The following STAB2 variants were observed in gnomAD, a reference collection of about 807,000 sequenced individuals.
STAB2 encodes stabilin-2.
STAB2 carries 288 observed loss-of-function variants against 338.1 expected under a neutral mutation model. That is an observed-to-expected ratio of 0.85 (90% CI 0.77 to 0.94). The LOEUF is 0.94. Ranked by LOEUF, STAB2 falls within the 40% of genes least tolerant of loss-of-function variation. STAB2 has a pLI of 0.00. For missense variants in STAB2, 3,141 were observed against 3,210.1 expected (o/e 0.98, Z 0.52); for synonymous variants, 1,202 against 1,193.3 (o/e 1.01, Z -0.15).
At chr12:103,708,576 C>T (rs758513789) in intron 39 of STAB2, 40 bp downstream of exon 39, 1 of 1,581,376 alleles carries the variant, frequency 6.3e-7, no homozygotes, top group East Asian at 2.2e-5. Flanking sequence ...CTGCTCTAAG[C>T]TTTGCTTCTC....
intron 31 of STAB2, 69 bp downstream of exon 31, chr12:103,692,958 AT>A (rs11440653): frequency 0.031 from 33,498 of 1,083,458 alleles, 77 homozygotes; most frequent in African/African-American, 0.052. Context: ...CCTATACAGC[AT>A]TTTTTTTTTT....
At position 103,701,099 on chromosome 12, in the gene STAB2, C is replaced by T. The variant is rs182676696; in HGVS notation, c.3714+1872C>T. ...ATTCCCACCTATGAGTGAAAATATG[C>T]GGTGTTTGGTTTTTTGTTCTTGCGA... On this transcript the variant is annotated intron_variant, in intron 34 of 68. Coordinates refer to ENST00000388887, the MANE Select transcript of STAB2 (RefSeq NM_017564.10). 1.7e-4 allele frequency among the ~76,000 whole-genome samples: 25 copies of T among 149,802 alleles called. No individual in the cohort carries two copies. The East Asian group carries it at 1.8e-3, about 11-fold the overall frequency.
intron 25 of STAB2, among the ~76,000 whole-genome samples, chr12:103,677,980 C>CAGAGA (rs1420241782): frequency 6.6e-6 from 1 of 152,176 alleles, no homozygotes; most frequent in Non-Finnish European, 1.5e-5. Flanking sequence ...GAGGACAACG[C>CAGAGA]AGAGAAGGCT....
At chr12:103,735,436 C>A in intron 51 of STAB2, 55 bp from the exon 52 acceptor site, 3 of 1,363,654 alleles carry the variant, frequency 2.2e-6, no homozygotes, top group Non-Finnish European at 3.0e-6. Context: ...TCCTTCGGGC[C>A]GTCCCTTCTT....
intron 4 of STAB2, among the ~76,000 whole-genome samples, chr12:103,621,096 C>T (rs11111682): frequency 0.16 from 24,447 of 151,478 alleles, 2,349 homozygotes; most frequent in South Asian, 0.41. Flanking sequence ...AGACTCTGTC[C>T]ACCCCCACCC....
At chr12:103,674,907 C>T (rs866367069) in intron 23 of STAB2, among the ~76,000 whole-genome samples, 2 of 152,100 alleles carry the variant, frequency 1.3e-5, no homozygotes, top group South Asian at 4.1e-4. Context: ...ATGCCTTTTC[C>T]TAAGGAGTTA....
chr12:103,655,666 A>G, intron 15 of STAB2, 85 bp downstream of exon 15: 1 of 1,539,188 alleles, frequency 6.5e-7, no homozygotes, highest in Non-Finnish European at 8.8e-7. Context: ...TAAACTAGAG[A>G]TAGTAAATAA....
At chr12:103,669,455 T>A in intron 20 of STAB2, 86 bp from the exon 21 acceptor site, 3 of 1,196,760 alleles carry the variant, frequency 2.5e-6, no homozygotes, top group Non-Finnish European at 3.7e-6. Flanking sequence ...TGGCTTAGTA[T>A]AATAATGGAA....
intron 27 of STAB2, among the ~76,000 whole-genome samples, chr12:103,686,577 T>A (rs1011177313): frequency 3.7e-4 from 57 of 152,292 alleles, no homozygotes; most frequent in African/African-American, 1.3e-3. Flanking sequence ...TGATTATGGC[T>A]CACTGCAGCC....
chr12:103,730,122 G>T lies in STAB2; in HGVS notation c.5089G>T (p.Val1697Leu). The T allele has an allele frequency of 6.3e-7, 1 of 1,591,142 alleles. No homozygotes were observed. Among genetic ancestry groups the T allele is most frequent in the South Asian group, 1.2e-5 (1 of 86,408 alleles). The change falls in exon 49 of 69, where the codon GTG becomes TTG. Residue 1697 changes from valine (V) to leucine (L), a missense_variant. By Grantham distance (32) the Val-to-Leu change is conservative. Transcript: ENST00000388887. ...TGTTTTTGGTTGATTTCAGAGCACG[G>T]TGTATATAAACAATAAGGCTAAGAT... ...PIVISVSQST[V>L]YINNKAKIIS...
At chr12:103,728,279 G>A (rs1480390150) in intron 47 of STAB2, among the ~76,000 whole-genome samples, 1 of 152,028 alleles carries the variant, frequency 6.6e-6, no homozygotes, top group Admixed American at 6.6e-5. Flanking sequence ...AGCCTCCGGA[G>A]TAGTATTTTT....
intron 68 of STAB2, chr12:103,763,947 T>C (rs1884727176): frequency 5.3e-6 from 1 of 188,438 alleles, no homozygotes; most frequent in Non-Finnish European, 1.1e-5. Context: ...AGGTAGCAGG[T>C]GCAAAACAAG....
chr12:103,716,140 T>C (rs1238014790), intron 43 of STAB2, among the ~76,000 whole-genome samples: 1 of 152,236 alleles, frequency 6.6e-6, no homozygotes, highest in African/African-American at 2.4e-5. Flanking sequence ...AAATACCATG[T>C]GATTCCAGAA....
chr12:103,666,183 C>A, intron 18 of STAB2, 108 bp from the exon 19 acceptor site: 1 of 1,076,546 alleles, frequency 9.3e-7, no homozygotes, highest in Non-Finnish European at 1.4e-6. Context: ...GATCATGGCT[C>A]AGTGGGGTTT....
intron 16 of STAB2, 147 bp downstream of exon 16, chr12:103,660,531 G>C (rs1230224319): frequency 1.5e-5 from 19 of 1,255,406 alleles, no homozygotes; most frequent in Non-Finnish European, 2.1e-5. Context: ...TCCATTATCA[G>C]AGCGATCTTC....
chr12:103,751,993 T>A (rs1883701227), intron 60 of STAB2, among the ~76,000 whole-genome samples: 1 of 152,024 alleles, frequency 6.6e-6, no homozygotes, highest in Non-Finnish European at 1.5e-5. Context: ...CTCACACAGT[T>A]CATAGGAGGG....
intron 18 of STAB2, among the ~76,000 whole-genome samples, chr12:103,665,676 G>C (rs1875026730): frequency 6.6e-6 from 1 of 152,064 alleles, no homozygotes; most frequent in Non-Finnish European, 1.5e-5. Flanking sequence ...CTGGACGTTG[G>C]CCAACACCAA....
At chr12:103,730,007 C>T in intron 48 of STAB2, 109 bp from the exon 49 acceptor site, 1 of 1,006,790 alleles carries the variant, frequency 9.9e-7, no homozygotes, top group Non-Finnish European at 1.4e-6. Flanking sequence ...CTTGGATATT[C>T]AGTTTTTGCT....
intron 37 of STAB2, 88 bp downstream of exon 37, chr12:103,705,815 G>T: frequency 7.9e-7 from 1 of 1,265,786 alleles, no homozygotes; most frequent in Non-Finnish European, 1.1e-6. Context: ...CCCTGTGCAG[G>T]TATGCTTTCT....
Sources: allele counts gnomAD v4.1 joint callset (sites outside exome capture counted in the v4.1 genomes callset), GRCh38; gene constraint gnomAD v4.1.1; transcripts MANE v1.5; gene names NCBI Gene and HGNC (gene_info 2026-07-23, HGNC 2026-07-21).